The following TPCN1 variants were observed in gnomAD, a reference collection of about 807,000 sequenced individuals.
The protein encoded by TPCN1 is two pore segment channel 1.
TPCN1 carries 52 observed loss-of-function variants against 108.8 expected under a neutral mutation model. The observed-to-expected ratio is 0.48, with a 90% CI of 0.38 to 0.60. TPCN1 has a LOEUF of 0.60. TPCN1 is among the 20% of genes least tolerant of loss of function. The probability of loss-of-function intolerance (pLI) is 0.00; values close to 1 mark genes in which losing one functional copy is unlikely to be tolerated. For synonymous variants in TPCN1, 446 were observed against 433.7 expected, an observed-to-expected ratio of 1.03 and a Z score of -0.35; for missense variants, 806 against 1,072.8, an observed-to-expected ratio of 0.75 and a Z score of 3.47.
intron 2 of TPCN1, among the ~76,000 whole-genome samples, chr12:113,252,293 C>T (rs966511401): frequency 3.9e-5 from 6 of 152,110 alleles, no homozygotes; most frequent in Non-Finnish European, 8.8e-5. Flanking sequence ...ATGGCCTGCA[C>T]CGTGGGACGC....
intron 3 of TPCN1, among the ~76,000 whole-genome samples, chr12:113,265,089 G>T (rs764974566): frequency 6.6e-6 from 1 of 152,184 alleles, no homozygotes; most frequent in East Asian, 1.9e-4. Context: ...GCCTCCCAAA[G>T]TGCTGGGATT....
At chr12:113,282,587 C>T (rs1593192000) in intron 15 of TPCN1, among the ~76,000 whole-genome samples, 1 of 135,246 alleles carries the variant, frequency 7.4e-6, no homozygotes, top group Non-Finnish European at 1.6e-5. Flanking sequence ...CCTGTCTCTA[C>T]AAAAAAAAAA....
chr12:113,238,499 A>C (rs1329481315), intron 2 of TPCN1, among the ~76,000 whole-genome samples: 1 of 152,130 alleles, frequency 6.6e-6, no homozygotes, highest in Non-Finnish European at 1.5e-5. Context: ...TAAATGACCA[A>C]GTCTTCCCCA....
chr12:113,249,108 C>A (rs925993013), intron 2 of TPCN1, among the ~76,000 whole-genome samples: 1 of 152,176 alleles, frequency 6.6e-6, no homozygotes, highest in African/African-American at 2.4e-5. Flanking sequence ...CCATTCAGCA[C>A]CGGTATGGCC....
chr12:113,255,375 A>G (rs1566161415), intron 2 of TPCN1, among the ~76,000 whole-genome samples: 1 of 152,230 alleles, frequency 6.6e-6, no homozygotes. Context: ...GCTGTAAAAT[A>G]TTACTAAGAA....
chr12:113,248,133 T>C (rs1954474328), intron 2 of TPCN1, among the ~76,000 whole-genome samples: 1 of 152,222 alleles, frequency 6.6e-6, no homozygotes, highest in African/African-American at 2.4e-5. Flanking sequence ...CCTTTGGCGC[T>C]GCCCACTGCA....
chr12:113,267,152 C>G (rs1258966435), intron 4 of TPCN1, among the ~76,000 whole-genome samples: 2 of 152,186 alleles, frequency 1.3e-5, no homozygotes, highest in Non-Finnish European at 2.9e-5. Context: ...CCCAGAAGCA[C>G]TTGACTTCCC....
chr12:113,222,906 A>G (rs1214169058), intron 1 of TPCN1, among the ~76,000 whole-genome samples: 1 of 152,238 alleles, frequency 6.6e-6, no homozygotes, highest in Non-Finnish European at 1.5e-5. Flanking sequence ...CCTGCCTTCA[A>G]AGTAAACATG....
intron 2 of TPCN1, among the ~76,000 whole-genome samples, chr12:113,227,224 G>A (rs752487911): frequency 1.3e-5 from 2 of 152,164 alleles, no homozygotes; most frequent in Non-Finnish European, 2.9e-5. Flanking sequence ...CCTTGCACCT[G>A]AGGTACCTTG....
rs188252589 is a variant in TPCN1 at position 113,282,360 on chromosome 12, T to C, written c.1342+2165T>C. Among the ~76,000 whole-genome samples the C allele has an allele frequency of 1.9e-3, 282 of 151,620 alleles. 2 individuals are homozygous for C. Among genetic ancestry groups the C allele is most frequent in the African/African-American group, 6.4e-3 (264 of 41,422 alleles). ...CACCTGCCTCGGCCTCCCAAAGTGC[T>C]AGGATTACAGGCATGAGCCACCGCA... On this transcript the variant is annotated intron_variant, in intron 15 of 27. Coordinates refer to ENST00000335509, the MANE Select transcript of TPCN1 (RefSeq NM_017901.6).
intron 24 of TPCN1, 24 bp downstream of exon 24, chr12:113,291,701 T>C (rs1172638739): frequency 6.2e-7 from 1 of 1,610,512 alleles, no homozygotes; most frequent in Admixed American, 1.7e-5. Context: ...CACAGAACGC[T>C]CTTTGTCCTT....
rs764335122 is a variant in TPCN1 at position 113,285,876 on chromosome 12, C to T, written c.1454-13C>T. The T allele has an allele frequency of 3.3e-5, 54 of 1,613,714 alleles. No homozygotes were observed. The Admixed American group carries it at 9.0e-4, about 27-fold the overall frequency. ...TGGCGGGGCTGCTGCCGATGGATTC[C>T]TTCTGTCCACAGTCTATGGGGTGGA... On this transcript the variant is annotated splice_polypyrimidine_tract_variant and intron_variant, in intron 17 of 27. Coordinates refer to ENST00000335509, the MANE Select transcript of TPCN1 (RefSeq NM_017901.6).
chr12:113,229,254 G>A (rs995706749), intron 2 of TPCN1, among the ~76,000 whole-genome samples: 1 of 152,232 alleles, frequency 6.6e-6, no homozygotes, highest in Non-Finnish European at 1.5e-5. Context: ...CAGCACATTA[G>A]TATCTTAGTT....
intron 2 of TPCN1, among the ~76,000 whole-genome samples, chr12:113,260,018 T>C (rs1437819731): frequency 6.6e-6 from 1 of 152,246 alleles, no homozygotes; most frequent in African/African-American, 2.4e-5. Flanking sequence ...ATAGCCCTTG[T>C]AGGGCGACTG....
intron 3 of TPCN1, among the ~76,000 whole-genome samples, chr12:113,263,156 C>T (rs1955106791): frequency 6.6e-6 from 1 of 152,036 alleles, no homozygotes; most frequent in Non-Finnish European, 1.5e-5. Flanking sequence ...TTTTTACTAC[C>T]TTACAAATTT....
intron 15 of TPCN1, among the ~76,000 whole-genome samples, chr12:113,283,817 G>A (rs867838615): frequency 3.3e-5 from 5 of 152,060 alleles, no homozygotes; most frequent in Admixed American, 2.6e-4. Context: ...GGGCCCACAG[G>A]TGCACACTAC....
intron 27 of TPCN1, chr12:113,294,269 G>C (rs1956359749): frequency 6.6e-6 from 1 of 152,086 alleles, no homozygotes; most frequent in African/African-American, 2.4e-5. Context: ...TTTTGTAGCA[G>C]TGAGGTCTTG....
intron 18 of TPCN1, among the ~76,000 whole-genome samples, 200 bp from the exon 19 acceptor site, chr12:113,286,787 G>A (rs757881600): frequency 3.9e-5 from 6 of 152,202 alleles, no homozygotes; most frequent in Admixed American, 1.3e-4. Flanking sequence ...GGCCTGACCC[G>A]TGAGACGCAT....
Position 113,272,735 on chromosome 12 carries a change from G to C in TPCN1, c.783+43G>C, listed in dbSNP as rs559065873. Reference sequence around the variant, plus strand: ...TTGTCCGTCTCTTCTTTTATGGAGGGCTTTTCCCTCAGACAGGGTCACCGG... The same window carrying C: ...TTGTCCGTCTCTTCTTTTATGGAGGCCTTTTCCCTCAGACAGGGTCACCGG... On this transcript the variant is annotated intron_variant, in intron 8 of 27. Coordinates refer to ENST00000335509, the MANE Select transcript of TPCN1 (RefSeq NM_017901.6). The surrounding 1 kb of genome is among the most constrained non-coding windows in gnomAD (Gnocchi z 4.1). The C allele has an allele frequency of 3.8e-6, 6 of 1,597,804 alleles. No homozygotes were observed. In the African/African-American group the frequency reaches 6.7e-5, roughly 18 times the overall value.
Sources: allele counts gnomAD v4.1 joint callset (sites outside exome capture counted in the v4.1 genomes callset), GRCh38; gene constraint gnomAD v4.1.1; non-coding constraint Gnocchi (gnomAD v3.1); transcripts MANE v1.5; gene names NCBI Gene and HGNC (gene_info 2026-07-23, HGNC 2026-07-21).